MDGA1: variants seen among roughly 807,000 people sequenced by gnomAD.
The protein encoded by MDGA1 is MAM domain containing glycosylphosphatidylinositol anchor 1, also known as MAM domain-containing glycosylphosphatidylinositol anchor protein 1.
In MDGA1, 54 loss-of-function variants were observed where a neutral mutation model predicts 101.5. That is an observed-to-expected ratio of 0.53 (90% confidence interval 0.43 to 0.67). The LOEUF is 0.67. MDGA1 is among the 30% of genes least tolerant of loss of function. The pLI is 0.00. For missense variants in MDGA1, 1,083 were observed against 1,323.8 expected (o/e 0.82, Z 2.82); for synonymous variants, 533 against 558.3 (o/e 0.95, Z 0.64).
Position 37,631,350 on chromosome 6 carries a change from G to A in MDGA1, c.*6018C>T, listed in dbSNP as rs1262441479. On this transcript the variant is annotated 3_prime_UTR_variant, in exon 17 of 17. Transcript: ENST00000434837. The stretch of plus-strand genomic sequence containing the variant: ...CTCAGGGAGCCAACCTACAGCAGTG[G>A]TGAGTCCCTTAGACCCTTCCTCTTC... 1 of 152,194 alleles carries A rather than the reference G, an allele frequency of 6.6e-6. No individual in the cohort carries two copies. The highest frequency in any genetic ancestry group is 1.9e-4 in the East Asian group (1 of 5,198). 9.4% of individuals were successfully genotyped at this position (152,194 alleles called of 1,614,324 possible). A position where few individuals can be genotyped will look rare whatever the true frequency, so the allele number is the denominator to read the frequency against.
chr6:37,646,417 C>A, intron 10 of MDGA1, 42 bp from the exon 11 acceptor site: 2 of 1,413,638 alleles, frequency 1.4e-6, no homozygotes, highest in East Asian at 2.5e-5. Context: ...GGAAGTCAGG[C>A]CCTCAGTTTC....
Position 37,637,297 on chromosome 6 carries a change from C to T in MDGA1, c.*71G>A. 7.7e-7 allele frequency: 1 copy of T among 1,299,566 alleles called. No individual in the cohort carries two copies. The highest frequency in any genetic ancestry group is 1.9e-4 in the Middle Eastern group (1 of 5,344). 80.5% of individuals were successfully genotyped at this position (1,299,566 alleles called of 1,614,324 possible). On this transcript the variant is annotated 3_prime_UTR_variant, in exon 17 of 17. Transcript: ENST00000434837. ...CCTGGGCACCCCAGCTGGCGGGGGTCAGTCTTTGGTACAATGTGGACACTT... is the reference window on the plus strand; with the variant it reads ...CCTGGGCACCCCAGCTGGCGGGGGTTAGTCTTTGGTACAATGTGGACACTT...
intron 1 of MDGA1, among the ~76,000 whole-genome samples, chr6:37,668,097 A>C (rs1375611038): frequency 6.6e-6 from 1 of 152,018 alleles, no homozygotes; most frequent in Non-Finnish European, 1.5e-5. Flanking sequence ...CAAAAACTGC[A>C]AAAATTAGCC....
At chr6:37,681,858 C>G (rs553076991) in intron 1 of MDGA1, among the ~76,000 whole-genome samples, 1 of 152,366 alleles carries the variant, frequency 6.6e-6, no homozygotes, top group East Asian at 1.9e-4. Flanking sequence ...TCCCTCAAGT[C>G]TCCAGAAAGG....
chr6:37,637,317 A>C lies in MDGA1; in HGVS notation c.*51T>G. The C allele has an allele frequency of 6.8e-7, 1 of 1,467,518 alleles. No homozygotes were observed. The highest frequency in any genetic ancestry group is 1.2e-5 in the South Asian group (1 of 86,404). 90.9% of individuals were successfully genotyped at this position (1,467,518 alleles called of 1,614,324 possible). On this transcript the variant is annotated 3_prime_UTR_variant, in exon 17 of 17. Transcript: ENST00000434837. ...GGGGTCAGTCTTTGGTACAATGTGG[A>C]CACTTTGGTGTGCCGGGGGCAAGGT...
chr6:37,697,231 G>A lies in MDGA1; in HGVS notation c.-420C>T. ...AAACTTGTCGTTTCCCCGCACTGGG[G>A]CCGCCCCTCAGCGGAGCGGAGTCGG... is the stretch of plus-strand genomic sequence containing the variant. On this transcript the variant is annotated 5_prime_UTR_variant, in exon 1 of 17. Transcript: ENST00000434837. 5.8e-6 allele frequency: 1 copy of A among 171,578 alleles called. No individual in the cohort carries two copies. The highest frequency in any genetic ancestry group is 1.2e-5 in the Non-Finnish European group (1 of 81,102). 10.6% of individuals were successfully genotyped at this position (171,578 alleles called of 1,614,324 possible). A position where few individuals can be genotyped will look rare whatever the true frequency, so the allele number is the denominator to read the frequency against.
Position 37,650,358 on chromosome 6 carries a change from G to A in MDGA1, c.1360C>T (p.Arg454Cys), listed in dbSNP as rs1461868257. Residue 454 changes from arginine to cysteine, a missense_variant, in exon 8 of 17, where the codon CGC (arginine) becomes TGC (cysteine). Around this residue, in one of 3 missense-constraint regions of MDGA1, gnomAD observed 657 missense variants for 771.4 expected, o/e 0.85. Coordinates refer to ENST00000434837, the MANE Select transcript of MDGA1 (RefSeq NM_153487.4). ...TGCAGCTCGGCAGGCGATCCCTCGC[G>A]CACGGTCACCACGGCCCTACCCTTG... ...VPKGRAVVTV[R>C]EGSPAELQCE... 15 of 1,575,292 alleles carry A rather than the reference G, an allele frequency of 9.5e-6. No individual in the cohort carries two copies. Among genetic ancestry groups the A allele is most frequent in the Admixed American group, 1.8e-5 (1 of 56,952 alleles).
chr6:37,693,557 G>A (rs1762357063), intron 1 of MDGA1, among the ~76,000 whole-genome samples: 1 of 152,238 alleles, frequency 6.6e-6, no homozygotes, highest in Non-Finnish European at 1.5e-5. Flanking sequence ...TTTTTGTAAG[G>A]GAGAGGAATC....
At chr6:37,656,377 CT>C (rs11396920) in intron 3 of MDGA1, among the ~76,000 whole-genome samples, 2,298 of 142,604 alleles carry the variant, frequency 0.016, 53 homozygotes, top group African/African-American at 0.051. Context: ...CGCCCGGACT[CT>C]TTTTTTTTTT....
intron 1 of MDGA1, among the ~76,000 whole-genome samples, chr6:37,677,845 C>G (rs576478992): frequency 1.3e-5 from 2 of 152,310 alleles, no homozygotes; most frequent in East Asian, 1.9e-4. Flanking sequence ...CAGACTCTGA[C>G]CCCCTCCGAC....
intron 5 of MDGA1, 94 bp from the exon 6 acceptor site, chr6:37,654,637 A>G (rs972210333): frequency 6.3e-7 from 1 of 1,582,748 alleles, no homozygotes; most frequent in Admixed American, 1.7e-5. Context: ...AGGCTGGAGA[A>G]GCCCTCAGGG....
chr6:37,653,109 T>C (rs1466765448), intron 6 of MDGA1, among the ~76,000 whole-genome samples: 2 of 152,226 alleles, frequency 1.3e-5, no homozygotes, highest in African/African-American at 4.8e-5. Flanking sequence ...CCCAACCTTC[T>C]GGACAGGACA....
intron 1 of MDGA1, among the ~76,000 whole-genome samples, chr6:37,673,199 G>C (rs9394448): frequency 0.24 from 37,076 of 151,856 alleles, 7,090 homozygotes; most frequent in African/African-American, 0.52. Flanking sequence ...TTTCCACTTC[G>C]CAAGTGCCTA....
chr6:37,671,337 C>T (rs999076626), intron 1 of MDGA1, among the ~76,000 whole-genome samples: 21 of 152,290 alleles, frequency 1.4e-4, no homozygotes, highest in African/African-American at 4.3e-4. Context: ...TGGCCATAAA[C>T]CCCCTTCTTC....
chr6:37,658,415 C>A lies in MDGA1; in HGVS notation c.212G>T (p.Arg71Leu). The A allele has an allele frequency of 1.9e-6, 3 of 1,605,918 alleles. No individual in the cohort carries two copies. Among genetic ancestry groups the A allele is most frequent in the Admixed American group, 1.7e-5 (1 of 59,556 alleles). ...LVTGHPRPQV[R>L]WTKTAGSASD... ...GGCGCTACCTGCCGTCTTGGTCCAC[C>A]GTACCTGGGCCGCCAGGCGGGGCAG... is the stretch of plus-strand genomic sequence containing the variant. The change falls in exon 3 of 17, where the codon CGG (arginine) becomes CTG (leucine). Residue 71 changes from arginine to leucine, a missense_variant. By Grantham distance (102) the Arg-to-Leu change is moderately radical (BLOSUM62 -2). Around this residue, in one of 3 missense-constraint regions of MDGA1, gnomAD observed 310 missense variants for 355.9 expected, o/e 0.87. Transcript: ENST00000434837.
chr6:37,649,491 A>C (rs1048711295), intron 8 of MDGA1, among the ~76,000 whole-genome samples: 1 of 152,158 alleles, frequency 6.6e-6, no homozygotes, highest in African/African-American at 2.4e-5. Flanking sequence ...CATGCTTCCC[A>C]GACCCGGCCT....
chr6:37,679,672 G>A (rs1298573201), intron 1 of MDGA1, among the ~76,000 whole-genome samples: 1 of 152,096 alleles, frequency 6.6e-6, no homozygotes, highest in Non-Finnish European at 1.5e-5. Flanking sequence ...GCCAGGCCTC[G>A]GTGATGGAAT....
intron 1 of MDGA1, among the ~76,000 whole-genome samples, chr6:37,666,359 CAAAAAA>C (rs34277023): frequency 1.0e-5 from 1 of 99,872 alleles, no homozygotes; most frequent in African/African-American, 3.4e-5. Flanking sequence ...CACTCCGTCT[CAAAAAA>C]AAAAAAAAAG....
rs1296914778 is a variant in MDGA1, at chr6:37,638,212, GGGATCC to G, written c.2763_2768del (p.Asp922_Pro923del). On this transcript the variant is annotated inframe_deletion, in exon 16 of 17. Coordinates refer to ENST00000434837, the MANE Select transcript of MDGA1 (RefSeq NM_153487.4). The surrounding 1 kb of genome is among the most constrained non-coding windows in gnomAD (Gnocchi z 4.8). ...CTCCTTCCCGTCTTGCACCTTTATT[GGGATCC>G]GTCTGCTTCCGGGGACACTCCCCCT... 1 of 1,612,506 alleles carries G rather than the reference GGGATCC, an allele frequency of 6.2e-7. No homozygotes were observed. Among genetic ancestry groups the G allele is most frequent in the Non-Finnish European group, 8.5e-7 (1 of 1,179,118 alleles).
Sources: allele counts gnomAD v4.1 joint callset (sites outside exome capture counted in the v4.1 genomes callset), GRCh38; gene constraint gnomAD v4.1.1; regional missense constraint gnomAD v4.1.1; non-coding constraint Gnocchi (gnomAD v3.1); transcripts MANE v1.5; gene names NCBI Gene and HGNC (gene_info 2026-07-23, HGNC 2026-07-21).